PALB2: variants seen among roughly 807,000 people sequenced by gnomAD.
PALB2 encodes the protein mutant partner and localizer of BRCA2.
Under a neutral mutation model 107.4 loss-of-function variants are expected in PALB2, and 82 were observed. That is an observed-to-expected ratio of 0.76 (90% CI 0.64 to 0.92). The LOEUF is 0.92. Ranked by LOEUF, PALB2 falls within the 40% of genes least tolerant of loss-of-function variation. The probability of loss-of-function intolerance (pLI) is 0.00; values close to 1 mark genes in which losing one functional copy is unlikely to be tolerated. For missense variants in PALB2, 1,374 were observed against 1,379.9 expected (o/e 1.00, Z 0.07); for synonymous variants, 489 against 496.8 (o/e 0.98, Z 0.21).
chr16:23,638,190 G>A (rs995374777), intron 1 of PALB2, 61 bp from the exon 2 acceptor site: 2 of 1,377,654 alleles, frequency 1.5e-6, no homozygotes, highest in Admixed American at 1.7e-5. Flanking sequence ...AGAGGGAAGG[G>A]ATGCAGTGCT....
intron 1 of PALB2, chr16:23,640,795 G>C (rs2142477588): frequency 2.9e-6 from 1 of 339,830 alleles, no homozygotes; most frequent in Non-Finnish European, 5.4e-6. Context: ...ATTTACTTGA[G>C]GCCGTCCGGG....
chr16:23,626,916 C>G lies in PALB2; in HGVS notation c.2587-519G>C, dbSNP rs377614328. On this transcript the variant is annotated intron_variant, in intron 6 of 12. Coordinates refer to ENST00000261584, the MANE Select transcript of PALB2 (RefSeq NM_024675.4). ...GGTTACAGGCATGAGCCACCGTGCC[C>G]GGCCCATGAAAGATTTTAAAATGTA... Among the ~76,000 whole-genome samples the G allele has an allele frequency of 9.2e-5, 14 of 151,872 alleles. No homozygotes were observed. In the East Asian group the frequency reaches 2.5e-3, roughly 27 times the overall value.
intron 10 of PALB2, among the ~76,000 whole-genome samples, chr16:23,615,943 C>A: frequency 6.6e-6 from 1 of 152,146 alleles, no homozygotes; most frequent in East Asian, 1.9e-4. Context: ...GAATTACAGG[C>A]GTGAGCCACC....
rs1218512317 is a variant in PALB2, at chr16:23,607,890, G to C, written c.3324C>G (p.Tyr1108Ter). The change falls in exon 12 of 13, where the codon TAC becomes TAG. Residue 1108 changes from tyrosine (Y) to a stop codon, truncating the protein, a stop_gained. Transcript: ENST00000261584. LOFTEE classifies it high-confidence loss of function. ...KTTLSVGVML[Y>*]CLPPGQAGRF... ...TGCCAGCCTGCCCTGGAGGAAGACA[G>C]TACAGCATCACACCCACGCTGAGAG... 1 of 1,614,012 alleles carries C rather than the reference G, an allele frequency of 6.2e-7. No individual in the cohort carries two copies. The highest frequency in any genetic ancestry group is 8.5e-7 in the Non-Finnish European group (1 of 1,179,984).
Position 23,635,373 on chromosome 16 carries a change from TG to T in PALB2, c.1172del (p.Ala391GlufsTer33). On this transcript the variant is annotated frameshift_variant, in exon 4 of 13. Coordinates refer to ENST00000261584, the MANE Select transcript of PALB2 (RefSeq NM_024675.4). LOFTEE classifies it high-confidence loss of function. The stretch of plus-strand genomic sequence containing the variant: ...CAGGCACTGTGCAAGAATGTTTTTC[TG>T]CAGAAAGAGGAGAGGTTGCTTCCAG... ...LSLEATSPLSAEKHSCTVPEG... is the reference protein window; with the variant it reads ...LSLEATSPLSXEKHSCTVPEG... 1.9e-6 allele frequency: 3 copies of T among 1,614,050 alleles called. No individual in the cohort carries two copies. Among genetic ancestry groups the T allele is most frequent in the Non-Finnish European group, 2.5e-6 (3 of 1,180,022 alleles).
At chr16:23,618,249 CCTCAAA>C (rs2142314966) in intron 10 of PALB2, among the ~76,000 whole-genome samples, 1 of 151,934 alleles carries the variant, frequency 6.6e-6, no homozygotes, top group African/African-American at 2.4e-5. Context: ...CAGTGAGCTA[CCTCAAA>C]ATGCAGTGAG....
rs2142457048 is a variant in PALB2 at position 23,637,914 on chromosome 16, C to T, written c.147G>A (p.Lys49=). ...QRAEKIKHSI[K]KTVEEQDCLS... The stretch of plus-strand genomic sequence containing the variant: ...AACAATCTTGTTCTTCTACTGTTTT[C>T]TTAATAGAATGCTTAATCTTTTCAG... The change falls in exon 3 of 13, where the codon AAG becomes AAA. Residue 49 remains lysine, a synonymous_variant. Transcript: ENST00000261584. The T allele has an allele frequency of 6.2e-7, 1 of 1,614,042 alleles. No homozygotes were observed. The highest frequency in any genetic ancestry group is 8.5e-7 in the Non-Finnish European group (1 of 1,179,986).
chr16:23,629,012 A>T (rs1454178016), intron 6 of PALB2, among the ~76,000 whole-genome samples, 192 bp downstream of exon 6: 2 of 152,236 alleles, frequency 1.3e-5, no homozygotes, highest in Non-Finnish European at 2.9e-5. Context: ...AGAAACTTTA[A>T]GAGGAGAGCT....
chr16:23,607,708 C>T (rs1191048473), intron 12 of PALB2, among the ~76,000 whole-genome samples, 156 bp downstream of exon 12: 9 of 152,140 alleles, frequency 5.9e-5, no homozygotes, highest in Non-Finnish European at 1.2e-4. Context: ...TGACTCAAGT[C>T]CACTAATCTT....
chr16:23,635,564 A>T lies in PALB2; in HGVS notation c.982T>A (p.Ser328Thr), dbSNP rs2142429362. The change falls in exon 4 of 13, where the codon TCT (serine) becomes ACT (threonine). Residue 328 changes from serine (S) to threonine (T), a missense_variant. Ser to Thr is a moderately conservative substitution (Grantham distance 58, BLOSUM62 1). Transcript: ENST00000261584. Reference protein sequence around the residue: ...SSNLEANISCSLNELTYNNLP... With the variant: ...SSNLEANISCTLNELTYNNLP... ...TTATTGTAGGTGAGTTCATTTAGAG[A>T]ACATGAAATATTTGCCTCTAAATTA... 3.1e-6 allele frequency: 5 copies of T among 1,612,844 alleles called. No individual in the cohort carries two copies. Among genetic ancestry groups the T allele is most frequent in the Non-Finnish European group, 4.2e-6 (5 of 1,179,318 alleles).
chr16:23,630,204 C>T lies in PALB2; in HGVS notation c.1950G>A (p.Glu650=), dbSNP rs1966862866. 2 of 1,614,180 alleles carry T rather than the reference C, an allele frequency of 1.2e-6. No homozygotes were observed. ...GTTCCTCTGGAAAAATACAGCTTCC[C>T]TCTTTAAGATGTCTCTCTCCAAACA... ...SKMFGERHLK[E]GSCIFPEELS... is the part of the protein sequence containing the mutation. Residue 650 remains glutamate, a synonymous_variant, in exon 5 of 13, where the codon GAG becomes GAA. Transcript: ENST00000261584.
At chr16:23,610,243 G>T (rs1364731624) in intron 11 of PALB2, among the ~76,000 whole-genome samples, 1 of 151,844 alleles carries the variant, frequency 6.6e-6, no homozygotes, top group Non-Finnish European at 1.5e-5. Context: ...TTGCCGTCTG[G>T]TCATATATGG....
chr16:23,632,732 C>T (rs1408884619), intron 4 of PALB2, among the ~76,000 whole-genome samples: 2 of 152,154 alleles, frequency 1.3e-5, no homozygotes, highest in East Asian at 1.9e-4. Context: ...AATTTTGTTA[C>T]GTGAATGTCA....
intron 11 of PALB2, among the ~76,000 whole-genome samples, chr16:23,611,705 G>A (rs778166260): frequency 2.0e-5 from 3 of 152,096 alleles, no homozygotes; most frequent in Non-Finnish European, 4.4e-5. Context: ...TGATCCACCC[G>A]CCTTGGCCTC....
chr16:23,609,679 G>A (rs1026093082), intron 11 of PALB2, among the ~76,000 whole-genome samples: 5 of 151,990 alleles, frequency 3.3e-5, no homozygotes, highest in Admixed American at 1.3e-4. Flanking sequence ...CACCACGCCC[G>A]GCTAATTTTT....
rs45472400 is a variant in PALB2, at chr16:23,634,974, T to A, written c.1572A>T (p.Ser524=). The part of the protein sequence containing the change: ...GKRKSACTPA[S]DHCEPLLPTS... ...TTGGCAAAAGTGGTTCACAATGATC[T>A]GATGCTGGGGTGCAGGCTGATTTTC... is the stretch of plus-strand genomic sequence containing the variant. The change falls in exon 4 of 13, where the codon TCA becomes TCT. Residue 524 remains serine, a synonymous_variant. Transcript: ENST00000261584. The A allele has an allele frequency of 6.2e-7, 1 of 1,614,076 alleles. No homozygotes were observed. The highest frequency in any genetic ancestry group is 1.7e-5 in the Admixed American group (1 of 59,988).
intron 1 of PALB2, 50 bp from the exon 2 acceptor site, chr16:23,638,179 C>G (rs2142461867): frequency 2.7e-6 from 4 of 1,491,624 alleles, no homozygotes; most frequent in Non-Finnish European, 3.7e-6. Context: ...AAGGTGGAGT[C>G]AGAGGGAAGG....
rs765942523 is a variant in PALB2, at chr16:23,630,020, C to G, written c.2134G>C (p.Ala712Pro). The G allele has an allele frequency of 2.4e-5, 38 of 1,614,004 alleles. No homozygotes were observed. Among genetic ancestry groups the G allele is most frequent in the Non-Finnish European group, 3.0e-5 (35 of 1,180,034 alleles). ...GTAGGCCTGTCATTATCATCAGGCG[C>G]AACCGTATTTAAAGGAGTATAAAGT... ...ILLYTPLNTV[A>P]PDDNDRPTTD... Residue 712 changes from alanine to proline, a missense_variant, in exon 5 of 13, where the codon GCG (alanine) becomes CCG (proline). By Grantham distance (27) the Ala-to-Pro change is conservative (BLOSUM62 -1). Transcript: ENST00000261584.
chr16:23,641,047 G>A (rs1967225370), intron 1 of PALB2, 63 bp downstream of exon 1: 4 of 1,586,978 alleles, frequency 2.5e-6, no homozygotes, highest in Non-Finnish European at 3.4e-6. Context: ...CACAAAGCCA[G>A]GCCTAAAACC....
Sources: allele counts gnomAD v4.1 joint callset (sites outside exome capture counted in the v4.1 genomes callset), GRCh38; gene constraint gnomAD v4.1.1; transcripts MANE v1.5; gene names NCBI Gene and HGNC (gene_info 2026-07-23, HGNC 2026-07-21).